GPC3: variants seen among roughly 807,000 people sequenced by gnomAD.
The protein encoded by GPC3 is glypican 3, also known as glypican-3.
In GPC3, 3 loss-of-function variants were observed where a neutral mutation model predicts 34.4. The observed-to-expected ratio is 0.09, with a 90% CI of 0.04 to 0.23. The LOEUF is 0.23. Ranked by LOEUF, GPC3 falls within the 10% of genes least tolerant of loss-of-function variation. The pLI, the probability that GPC3 is intolerant of heterozygous loss-of-function variation, is 1.00. For synonymous variants in GPC3, 177 were observed against 174.0 expected (o/e 1.02, Z -0.13); for missense variants, 351 against 445.6 (o/e 0.79, Z 1.91).
chrX:133,863,491 A>C (rs770452032), intron 2 of GPC3, among the ~76,000 whole-genome samples: 1 of 110,337 alleles, frequency 9.1e-6, no homozygotes, highest in East Asian at 2.9e-4. Context: ...AGAAAGGGGC[A>C]CTCAAGTGAT....
intron 2 of GPC3, among the ~76,000 whole-genome samples, chrX:133,908,062 C>T (rs1385553630): frequency 1.8e-5 from 2 of 110,968 alleles, no homozygotes; most frequent in Non-Finnish European, 3.8e-5. Flanking sequence ...AAAAATGCTC[C>T]TTTCGGAGAG....
chrX:133,975,192 G>A (rs1305537884), intron 1 of GPC3, among the ~76,000 whole-genome samples: 1 of 111,354 alleles, frequency 9.0e-6, no homozygotes, highest in African/African-American at 3.3e-5. Flanking sequence ...CCCTGCCACC[G>A]CTCACTCTCC....
At chrX:133,753,012 T>A (rs1469856932) in intron 3 of GPC3, among the ~76,000 whole-genome samples, 1 of 111,934 alleles carries the variant, frequency 8.9e-6, no homozygotes, top group Non-Finnish European at 1.9e-5. Flanking sequence ...CAATTTCACT[T>A]AAGCTTCAGT....
rs748629313 is a variant in GPC3, at chrX:133,919,949, C to T, written c.337+33101G>A. On this transcript the variant is annotated intron_variant, in intron 2 of 7. Coordinates refer to ENST00000370818, the MANE Select transcript of GPC3 (RefSeq NM_004484.4). ...CTGAGGTAGGAGGACTGCTTGAGCT[C>T]GGGAGTTCAAGACCAGCCTGAGCAA... is the stretch of plus-strand genomic sequence containing the variant. Among the ~76,000 whole-genome samples the T allele has an allele frequency of 4.1e-3, 450 of 108,847 alleles. 1 individual carries two copies. Among genetic ancestry groups the T allele is most frequent in the Middle Eastern group, 9.3e-3 (2 of 214 alleles). The allele number at this position is 108,847 out of a possible 115,157, so 94.5% of individuals were successfully genotyped here. A position where few individuals can be genotyped will look rare whatever the true frequency, so the allele number is the denominator to read the frequency against.
At chrX:133,654,636 C>T (rs906170209) in intron 6 of GPC3, among the ~76,000 whole-genome samples, 3 of 108,716 alleles carry the variant, frequency 2.8e-5, no homozygotes, top group Non-Finnish European at 3.8e-5. Context: ...TGCTTGAACC[C>T]GGGAGGTGGA....
At chrX:133,553,137 C>T (rs746264641) in intron 7 of GPC3, among the ~76,000 whole-genome samples, 1 of 112,046 alleles carries the variant, frequency 8.9e-6, no homozygotes, top group African/African-American at 3.2e-5. Flanking sequence ...TTCCTTACAA[C>T]TAAGAAGGGG....
At chrX:133,578,280 A>C in intron 7 of GPC3, among the ~76,000 whole-genome samples, 1 of 112,165 alleles carries the variant, frequency 8.9e-6, no homozygotes, top group South Asian at 3.7e-4. Context: ...TCTTCTTCTT[A>C]AATCTGCATC....
chrX:133,559,300 C>A (rs1423873357), intron 7 of GPC3, among the ~76,000 whole-genome samples: 2 of 111,446 alleles, frequency 1.8e-5, no homozygotes, highest in African/African-American at 6.6e-5. Flanking sequence ...ATGGAGCCTG[C>A]CCTCAAGGGG....
At chrX:133,558,905 A>AAATG in intron 7 of GPC3, among the ~76,000 whole-genome samples, 1 of 93,110 alleles carries the variant, frequency 1.1e-5, no homozygotes, top group South Asian at 4.5e-4. Context: ...ATAAGTAAGT[A>AAATG]AATAAATAAA....
intron 3 of GPC3, among the ~76,000 whole-genome samples, chrX:133,717,562 C>A: frequency 9.0e-6 from 1 of 110,746 alleles, no homozygotes; most frequent in East Asian, 2.9e-4. Flanking sequence ...GCATGAAGCC[C>A]CCAGTCATGC....
intron 2 of GPC3, among the ~76,000 whole-genome samples, chrX:133,910,213 T>C (rs1380089964): frequency 9.0e-6 from 1 of 110,805 alleles, no homozygotes; most frequent in Non-Finnish European, 1.9e-5. Flanking sequence ...AACTGAGGGC[T>C]GGGGCATGTC....
At chrX:133,624,472 G>T (rs949812345) in intron 6 of GPC3, among the ~76,000 whole-genome samples, 1 of 111,610 alleles carries the variant, frequency 9.0e-6, no homozygotes, top group Admixed American at 9.5e-5. Context: ...GAATGATAAA[G>T]GGGATAACAT....
chrX:133,667,842 G>C (rs2070783307), intron 5 of GPC3, among the ~76,000 whole-genome samples: 1 of 108,889 alleles, frequency 9.2e-6, no homozygotes, highest in African/African-American at 3.3e-5. Flanking sequence ...GGATGACAGA[G>C]TGAAACCTTC....
chrX:133,648,318 AGTGTATTTTATGT>A (rs2124387467), intron 6 of GPC3, among the ~76,000 whole-genome samples: 1 of 97,906 alleles, frequency 1.0e-5, no homozygotes, highest in East Asian at 3.3e-4. Flanking sequence ...CGTTAGTGTT[AGTGTATTTTATGT>A]GTGGCCCAAG....
At position 133,985,433 on chromosome X, in the gene GPC3, C is replaced by A; in HGVS notation, c.17G>T (p.Arg6Leu). 13 of 1,172,531 alleles carry A rather than the reference C, an allele frequency of 1.1e-5. No individual in the cohort carries two copies. Among genetic ancestry groups the A allele is most frequent in the Non-Finnish European group, 1.4e-5 (12 of 876,055 alleles). Reference sequence around the variant, plus strand: ...CATCGCCACCACCAAGCACGCGGTGCGCACGGTCCCGGCCATCCTGCTTCG... The same window carrying A: ...CATCGCCACCACCAAGCACGCGGTGAGCACGGTCCCGGCCATCCTGCTTCG... MAGTVRTACLVVAMLL... is the reference protein window; with the variant it reads MAGTVLTACLVVAMLL... Residue 6 changes from arginine to leucine, a missense_variant, in exon 1 of 8, where the codon CGC becomes CTC. Coordinates refer to ENST00000370818, the MANE Select transcript of GPC3 (RefSeq NM_004484.4).
chrX:133,928,012 T>C (rs2076282949), intron 2 of GPC3, among the ~76,000 whole-genome samples: 1 of 109,686 alleles, frequency 9.1e-6, no homozygotes, highest in Non-Finnish European at 1.9e-5. Flanking sequence ...TATGCTATTA[T>C]CAACTATAGT....
At chrX:133,731,226 G>A (rs769612425) in intron 3 of GPC3, among the ~76,000 whole-genome samples, 23 of 112,677 alleles carry the variant, frequency 2.0e-4, no homozygotes, top group African/African-American at 7.4e-4. Flanking sequence ...ACCTCTAACA[G>A]AGAAGAACCC....
intron 3 of GPC3, among the ~76,000 whole-genome samples, chrX:133,749,024 G>A (rs2071634655): frequency 8.9e-6 from 1 of 111,818 alleles, no homozygotes; most frequent in African/African-American, 3.3e-5. Flanking sequence ...TTGGGAGGCT[G>A]AGGCAGGTGG....
At chrX:133,945,458 T>C (rs1182247951) in intron 2 of GPC3, among the ~76,000 whole-genome samples, 2 of 111,162 alleles carry the variant, frequency 1.8e-5, no homozygotes, top group African/African-American at 3.3e-5. Context: ...TTTACCCAAC[T>C]CCCTCATGTG....
Sources: gnomAD v4.1 joint callset for allele counts (sites outside exome capture counted in the v4.1 genomes callset) on GRCh38, gnomAD v4.1.1 for gene constraint, MANE v1.5 for transcripts, NCBI Gene and HGNC (gene_info 2026-07-23, HGNC 2026-07-21) for gene names.